Variants in DNAAF4 observed in about 807,000 individuals in gnomAD.
DNAAF4 encodes the protein dynein axonemal assembly factor 4.
Under a neutral mutation model 51.8 loss-of-function variants are expected in DNAAF4, and 43 were observed. That is an observed-to-expected ratio of 0.83 (90% CI 0.65 to 1.07). DNAAF4 has a LOEUF of 1.07. Ranked by LOEUF, DNAAF4 falls within the 50% of genes least tolerant of loss-of-function variation. The pLI is 0.00. For synonymous variants in DNAAF4, 194 were observed against 165.6 expected (o/e 1.17, Z -1.32); for missense variants, 581 against 493.0 (o/e 1.18, Z -1.69).
chr15:55,488,816 C>T (rs539122569), intron 4 of DNAAF4, among the ~76,000 whole-genome samples: 27 of 152,238 alleles, frequency 1.8e-4, no homozygotes, highest in African/African-American at 6.3e-4. Flanking sequence ...CAGCTGGGTG[C>T]GGCAGCTCAC....
intron 6 of DNAAF4, among the ~76,000 whole-genome samples, chr15:55,446,609 G>A (rs565087645): frequency 1.4e-5 from 2 of 147,742 alleles, no homozygotes; most frequent in East Asian, 4.1e-4. Flanking sequence ...CTTCCAGACA[G>A]GGCGGCCGAG....
intron 8 of DNAAF4, among the ~76,000 whole-genome samples, 181 bp from the exon 9 acceptor site, chr15:55,432,783 TAAAA>T (rs34919072): frequency 2.0e-5 from 3 of 149,518 alleles, no homozygotes; most frequent in East Asian, 3.9e-4. Context: ...CCGTCTCTAC[TAAAA>T]AAAAATACAA....
intron 9 of DNAAF4, among the ~76,000 whole-genome samples, chr15:55,431,495 G>A (rs2057494172): frequency 7.2e-6 from 1 of 138,406 alleles, no homozygotes; most frequent in African/African-American, 2.7e-5. Flanking sequence ...TTTTTTTGGA[G>A]ACAGAGTCTT....
chr15:55,467,554 C>CACAA (rs2141508648), intron 4 of DNAAF4, among the ~76,000 whole-genome samples: 1 of 151,850 alleles, frequency 6.6e-6, no homozygotes, highest in East Asian at 1.9e-4. Flanking sequence ...TACACACACA[C>CACAA]ACACACACAC....
intron 4 of DNAAF4, among the ~76,000 whole-genome samples, chr15:55,486,194 G>GTT (rs750587912): frequency 2.4e-4 from 31 of 131,484 alleles, no homozygotes; most frequent in Middle Eastern, 3.8e-3. Context: ...TGGTTGGTTG[G>GTT]TTTTTTTTTT....
At chr15:55,447,545 G>A (rs140778427) in intron 6 of DNAAF4, among the ~76,000 whole-genome samples, 10,905 of 151,424 alleles carry the variant, frequency 0.072, 467 homozygotes, top group South Asian at 0.098. Flanking sequence ...AGGCCGAGGC[G>A]GGCAGATCAG....
intron 4 of DNAAF4, among the ~76,000 whole-genome samples, chr15:55,481,255 C>T (rs1450713987): frequency 6.6e-6 from 1 of 152,114 alleles, no homozygotes; most frequent in African/African-American, 2.4e-5. Flanking sequence ...AGAGGGAAAG[C>T]ACTGTTTTCA....
At chr15:55,418,224 A>T (rs571618419) in intron 7 of DNAAF4, 1 of 1,571,868 alleles carries the variant, frequency 6.4e-7, no homozygotes, top group East Asian at 2.3e-5. Context: ...ATCTTTTAGG[A>T]TAAGAAAAGT....
At chr15:55,449,560 A>G (rs533312420) in intron 6 of DNAAF4, among the ~76,000 whole-genome samples, 7 of 150,662 alleles carry the variant, frequency 4.6e-5, no homozygotes, top group African/African-American at 1.7e-4. Flanking sequence ...GCTACTAGGG[A>G]GGCTGAGGCA....
At chr15:55,433,941 A>ATAAAAT (rs74214340) in intron 8 of DNAAF4, among the ~76,000 whole-genome samples, 1 of 33,148 alleles carries the variant, frequency 3.0e-5, no homozygotes, top group African/African-American at 9.4e-5. Flanking sequence ...TATAAAATAT[A>ATAAAAT]TATAATATAT....
At chr15:55,486,826 C>T (rs2058496355) in intron 4 of DNAAF4, among the ~76,000 whole-genome samples, 1 of 152,004 alleles carries the variant, frequency 6.6e-6, no homozygotes, top group South Asian at 2.1e-4. Flanking sequence ...TAAAATATCC[C>T]CATATCACCA....
At chr15:55,504,610 T>G (rs984077883) in intron 1 of DNAAF4, among the ~76,000 whole-genome samples, 6 of 152,060 alleles carry the variant, frequency 3.9e-5, no homozygotes, top group Non-Finnish European at 8.8e-5. Flanking sequence ...GCCTCAGAAA[T>G]AACACTATAC....
chr15:55,465,439 T>C (rs1242712093), intron 5 of DNAAF4, among the ~76,000 whole-genome samples: 2 of 149,148 alleles, frequency 1.3e-5, no homozygotes, highest in Non-Finnish European at 3.0e-5. Flanking sequence ...CATACAATCA[T>C]GGAATGCTAC....
chr15:55,482,712 C>T (rs564948915), intron 4 of DNAAF4, among the ~76,000 whole-genome samples: 2 of 152,076 alleles, frequency 1.3e-5, no homozygotes, highest in African/African-American at 4.8e-5. Flanking sequence ...AAAACAGATA[C>T]TTAAATACTA....
chr15:55,488,146 C>A (rs961031916), intron 4 of DNAAF4, among the ~76,000 whole-genome samples: 3 of 149,536 alleles, frequency 2.0e-5, no homozygotes, highest in African/African-American at 7.4e-5. Context: ...TGCGTAAGAG[C>A]GCAGCAAGAA....
intron 4 of DNAAF4, among the ~76,000 whole-genome samples, chr15:55,482,851 C>T (rs1252417669): frequency 6.6e-6 from 1 of 152,040 alleles, no homozygotes; most frequent in Non-Finnish European, 1.5e-5. Context: ...ATTATTCATC[C>T]ATAAAAAGGA....
downstream of DNAAF4, among the ~76,000 whole-genome samples, chr15:55,429,178 C>G (rs2057461525): frequency 6.6e-6 from 1 of 151,468 alleles, no homozygotes; most frequent in African/African-American, 2.4e-5. Flanking sequence ...GCCGAGATTG[C>G]ACCACTGCAC....
intron 4 of DNAAF4, among the ~76,000 whole-genome samples, chr15:55,477,171 C>CA (rs200427261): frequency 0.075 from 10,589 of 140,520 alleles, 436 homozygotes; most frequent in South Asian, 0.11. Context: ...AACTCCAACT[C>CA]AAAAAAAAAA....
rs1195492282 is a variant in DNAAF4, at chr15:55,449,695, G to GTTT, written c.783+526_783+527insAAA. On this transcript the variant is annotated intron_variant, in intron 6 of 9. Transcript: ENST00000321149. ...AACAAACAACAACAACAAAAAGACC[G>GTTT]CTTTTTTTTTTTTTTTTTTTTGATT... Among the ~76,000 whole-genome samples, 92 of 35,278 alleles carry GTTT rather than the reference G, an allele frequency of 2.6e-3. 3 individuals carry two copies. Among genetic ancestry groups the GTTT allele is most frequent in the South Asian group, 0.013 (11 of 826 alleles). The allele number at this position is 35,278 out of a possible 152,430, so 23.1% of individuals were successfully genotyped here.
Sources: gnomAD v4.1 joint callset for allele counts (sites outside exome capture counted in the v4.1 genomes callset) on GRCh38, gnomAD v4.1.1 for gene constraint, MANE v1.5 for transcripts, NCBI Gene and HGNC (gene_info 2026-07-23, HGNC 2026-07-21) for gene names.